Variants in AP2B1 observed in about 807,000 individuals in gnomAD.
AP2B1 encodes the protein adaptor related protein complex 2 subunit beta 1.
In AP2B1, 23 loss-of-function variants were observed where a neutral mutation model predicts 102.0. That is an observed-to-expected ratio of 0.23 (90% CI 0.16 to 0.32). AP2B1 has a LOEUF of 0.32. AP2B1 is among the 10% of genes least tolerant of loss of function. AP2B1 has a pLI of 1.00. For synonymous variants in AP2B1, 381 were observed against 421.2 expected, an observed-to-expected ratio of 0.90 and a Z score of 1.17; for missense variants, 541 against 1,157.4, an observed-to-expected ratio of 0.47 and a Z score of 7.73.
chr17:35,590,603 G>A (rs1439744223), intron 1 of AP2B1, among the ~76,000 whole-genome samples: 2 of 152,136 alleles, frequency 1.3e-5, no homozygotes, highest in Non-Finnish European at 2.9e-5. Flanking sequence ...TTTACAATAT[G>A]GTTACTAGAG....
chr17:35,715,147 T>G (rs1555589290), intron 20 of AP2B1, among the ~76,000 whole-genome samples: 1 of 152,226 alleles, frequency 6.6e-6, no homozygotes, highest in Non-Finnish European at 1.5e-5. Flanking sequence ...CTCTCTCTAG[T>G]CTTCTGATAA....
intron 1 of AP2B1, among the ~76,000 whole-genome samples, chr17:35,589,168 T>C (rs2073001716): frequency 6.6e-6 from 1 of 152,258 alleles, no homozygotes; most frequent in African/African-American, 2.4e-5. Flanking sequence ...AGCTTTTGTG[T>C]CTCATAATTT....
chr17:35,627,245 CTTTT>C (rs569701571), intron 7 of AP2B1, 136 bp from the exon 8 acceptor site: 877 of 177,026 alleles, frequency 5.0e-3, no homozygotes, highest in South Asian at 8.2e-3. Context: ...GAAGTTTATG[CTTTT>C]TTTTTTTTTT....
chr17:35,656,705 T>A lies in AP2B1; in HGVS notation c.1797-894T>A, dbSNP rs376251275. On this transcript the variant is annotated intron_variant, in intron 13 of 21. Coordinates refer to ENST00000610402, the MANE Select transcript of AP2B1 (RefSeq NM_001030006.2). ...GGTCAGGAGATCGAGACCACGGTGATACCCCGTCTCTACTAAAAATACAAA... is the reference window on the plus strand; with the variant it reads ...GGTCAGGAGATCGAGACCACGGTGAAACCCCGTCTCTACTAAAAATACAAA... Among the ~76,000 whole-genome samples, 438 of 151,734 alleles carry A rather than the reference T, an allele frequency of 2.9e-3. 3 individuals are homozygous for A. The highest frequency in any genetic ancestry group is 6.8e-3 in the Middle Eastern group (2 of 294).
In AP2B1 at chr17:35,649,263, G is replaced by T. The variant is rs574274916; in HGVS notation, c.1537-1267G>T. 4.7e-4 allele frequency among the ~76,000 whole-genome samples: 72 copies of T among 152,022 alleles called. 2 individuals carry two copies. The South Asian group carries it at 0.013, about 27-fold the overall frequency. ...AATAAGCCTGCTAATATTTAAAGCA[G>T]TTAAAAAAAATTTCTTTTTTTTGGA... On this transcript the variant is annotated intron_variant, in intron 12 of 21. Transcript: ENST00000610402.
chr17:35,601,677 C>A (rs1244143591), intron 3 of AP2B1, among the ~76,000 whole-genome samples: 3 of 152,136 alleles, frequency 2.0e-5, no homozygotes, highest in Admixed American at 1.3e-4. Context: ...CGGTAGTTGC[C>A]TATCTGTGAT....
At chr17:35,647,392 C>T (rs1198355823) in intron 12 of AP2B1, among the ~76,000 whole-genome samples, 3 of 152,034 alleles carry the variant, frequency 2.0e-5, no homozygotes, top group Non-Finnish European at 4.4e-5. Flanking sequence ...CAGTGCCCCC[C>T]CTCCCCACAC....
intron 18 of AP2B1, among the ~76,000 whole-genome samples, chr17:35,693,061 A>G (rs1235757108): frequency 2.0e-5 from 3 of 152,286 alleles, no homozygotes; most frequent in Admixed American, 6.5e-5. Context: ...GTTGTTGCCC[A>G]GGCTGGAGTA....
At chr17:35,704,639 G>C (rs1220760719) in intron 18 of AP2B1, among the ~76,000 whole-genome samples, 1 of 152,166 alleles carries the variant, frequency 6.6e-6, no homozygotes, top group Non-Finnish European at 1.5e-5. Context: ...GGAGGTGTTA[G>C]AGCTTTCTGG....
At position 35,682,814 on chromosome 17, in the gene AP2B1, A is replaced by G; in HGVS notation, c.2444A>G (p.Asn815Ser). 1.2e-6 allele frequency: 2 copies of G among 1,611,038 alleles called. No homozygotes were observed. Among genetic ancestry groups the G allele is most frequent in the South Asian group, 2.2e-5 (2 of 91,046 alleles). The change falls in exon 18 of 22, where the codon AAT (asparagine) becomes AGT (serine). Residue 815 changes from asparagine (N) to serine (S), a missense_variant. By Grantham distance (46) the Asn-to-Ser change is conservative (BLOSUM62 1). This residue lies in a region of AP2B1 where 117 missense variants were observed against 206.7 expected (regional missense o/e 0.57). Transcript: ENST00000610402. Reference protein sequence around the residue: ...LGPVMKMEPLNNLQVAVKNNI... With the variant: ...LGPVMKMEPLSNLQVAVKNNI... ...CCAGTCATGAAGATGGAACCTCTGAATAACCTCCAGGTCAGAGATTTACTT... is the reference window on the plus strand; with the variant it reads ...CCAGTCATGAAGATGGAACCTCTGAGTAACCTCCAGGTCAGAGATTTACTT...
intron 1 of AP2B1, among the ~76,000 whole-genome samples, chr17:35,591,264 T>C (rs2073090413): frequency 6.6e-6 from 1 of 151,610 alleles, no homozygotes; most frequent in African/African-American, 2.4e-5. Context: ...GGCAGGAGGA[T>C]TGCTTGAGCC....
At chr17:35,613,947 G>A (rs11650225) in intron 5 of AP2B1, among the ~76,000 whole-genome samples, 11,110 of 152,134 alleles carry the variant, frequency 0.073, 463 homozygotes, top group Middle Eastern at 0.11. Flanking sequence ...TTTTACAAAT[G>A]TCACAAGTAT....
At chr17:35,590,697 C>G (rs1241176300) in intron 1 of AP2B1, among the ~76,000 whole-genome samples, 1 of 152,152 alleles carries the variant, frequency 6.6e-6, no homozygotes, top group African/African-American at 2.4e-5. Context: ...ACCCTCCTCT[C>G]TTCCCTGAAA....
intron 18 of AP2B1, among the ~76,000 whole-genome samples, chr17:35,684,335 G>A (rs1450172920): frequency 6.6e-6 from 1 of 152,234 alleles, no homozygotes; most frequent in Non-Finnish European, 1.5e-5. Flanking sequence ...AAAGAAAAAT[G>A]TCAGCTTTCC....
intron 16 of AP2B1, among the ~76,000 whole-genome samples, chr17:35,672,222 G>A (rs2075604091): frequency 6.6e-6 from 1 of 152,090 alleles, no homozygotes; most frequent in Admixed American, 6.6e-5. Flanking sequence ...GCAGCAGCAG[G>A]AGAAAAAAAT....
chr17:35,674,229 T>A lies in AP2B1; in HGVS notation c.2232T>A (p.Thr744=). The change falls in exon 17 of 22, where the codon ACT becomes ACA. Residue 744 remains threonine, a synonymous_variant. Transcript: ENST00000610402. The part of the protein sequence containing the change: ...AKGLEISGTF[T]HRQGHIYMEM... Reference sequence around the variant, plus strand: ...GCTTGGAGATTTCCGGAACATTTACTCACCGCCAAGGGCACATCTATATGG... The same window carrying A: ...GCTTGGAGATTTCCGGAACATTTACACACCGCCAAGGGCACATCTATATGG... The A allele has an allele frequency of 6.2e-7, 1 of 1,614,242 alleles. No homozygotes were observed. The highest frequency in any genetic ancestry group is 8.5e-7 in the Non-Finnish European group (1 of 1,180,036).
chr17:35,598,383 C>A, intron 3 of AP2B1, 48 bp downstream of exon 3: 1 of 1,144,454 alleles, frequency 8.7e-7, no homozygotes, highest in South Asian at 1.6e-5. Context: ...GTCCATACCC[C>A]ATCTTATGGC....
At chr17:35,626,054 G>A (rs1369813816) in intron 6 of AP2B1, among the ~76,000 whole-genome samples, 1 of 152,138 alleles carries the variant, frequency 6.6e-6, no homozygotes, top group Non-Finnish European at 1.5e-5. Context: ...AAATATAGTA[G>A]TGGTGTCCTG....
At chr17:35,620,214 C>T (rs560741795) in intron 5 of AP2B1, among the ~76,000 whole-genome samples, 128 of 152,170 alleles carry the variant, frequency 8.4e-4, no homozygotes, top group Non-Finnish European at 1.4e-3. Context: ...CTTATGGTGG[C>T]TCACACCTGT....
Sources: gnomAD v4.1 joint callset for allele counts (sites outside exome capture counted in the v4.1 genomes callset) on GRCh38, gnomAD v4.1.1 for gene constraint, gnomAD v4.1.1 regional missense constraint, MANE v1.5 for transcripts, NCBI Gene and HGNC (gene_info 2026-07-23, HGNC 2026-07-21) for gene names.